Variants in RTN3 observed in about 807,000 individuals in gnomAD.
RTN3 encodes the protein reticulon 3.
In RTN3, 49 loss-of-function variants were observed where a neutral mutation model predicts 77.8. The ratio of observed to expected loss-of-function variants is 0.63; its 90% CI spans 0.50 to 0.80. The LOEUF is 0.80. Among genes scored for constraint, RTN3 ranks in the 30% least tolerant of loss-of-function variants. RTN3 has a pLI of 0.00. For missense variants in RTN3, 1,236 were observed against 1,211.9 expected, an observed-to-expected ratio of 1.02 and a Z score of -0.29; for synonymous variants, 464 against 446.9, an observed-to-expected ratio of 1.04 and a Z score of -0.48.
Position 63,681,704 on chromosome 11 carries a change from C to T in RTN3, c.68C>T (p.Ser23Phe). Residue 23 changes from serine (S) to phenylalanine (F), a missense_variant, in exon 1 of 9, where the codon TCC (serine) becomes TTC (phenylalanine). Physicochemically the swap from Ser to Phe is radical, Grantham distance 155. Around this residue, in one of 3 missense-constraint regions of RTN3, gnomAD observed 1,056 missense variants for 990.4 expected, o/e 1.07. Coordinates refer to ENST00000377819, the MANE Select transcript of RTN3 (RefSeq NM_001265589.2). ...ISSSSFGAEP[S>F]APGGGGSPGA... is the part of the protein sequence containing the mutation. ...TCGTCGTCCTTCGGAGCCGAGCCGT[C>T]CGCGCCCGGCGGCGGCGGGAGCCCA... 2 of 1,611,096 alleles carry T rather than the reference C, an allele frequency of 1.2e-6. No individual in the cohort carries two copies. The highest frequency in any genetic ancestry group is 3.3e-4 in the Middle Eastern group (2 of 6,048).
At chr11:63,735,822 G>A (rs1211452444) in intron 3 of RTN3, among the ~76,000 whole-genome samples, 9 of 151,998 alleles carry the variant, frequency 5.9e-5, no homozygotes, top group Non-Finnish European at 8.8e-5. Context: ...GAGCTAAAGC[G>A]CCTCACCAAT....
At chr11:63,737,962 G>C (rs942175480) in intron 3 of RTN3, among the ~76,000 whole-genome samples, 7 of 152,136 alleles carry the variant, frequency 4.6e-5, no homozygotes, top group Admixed American at 4.6e-4. Context: ...CTTGGTTAAG[G>C]ATAAATCTGT....
chr11:63,724,700 C>T (rs1446404670), intron 3 of RTN3, among the ~76,000 whole-genome samples: 1 of 151,958 alleles, frequency 6.6e-6, no homozygotes, highest in African/African-American at 2.4e-5. Context: ...ACTATATTGG[C>T]CAGGCTGGTC....
At chr11:63,688,483 A>G (rs1941488434) in intron 1 of RTN3, among the ~76,000 whole-genome samples, 1 of 152,096 alleles carries the variant, frequency 6.6e-6, no homozygotes, top group African/African-American at 2.4e-5. Flanking sequence ...TGGCTTCCCA[A>G]AGTGCTGGGA....
intron 3 of RTN3, among the ~76,000 whole-genome samples, chr11:63,738,421 C>T (rs1226419841): frequency 6.6e-6 from 1 of 152,092 alleles, no homozygotes; most frequent in Non-Finnish European, 1.5e-5. Flanking sequence ...GGGCAGATTG[C>T]TTGAGCCCAA....
chr11:63,735,560 C>CTCTCTCTCTCTCTG (rs1565334153), intron 3 of RTN3, among the ~76,000 whole-genome samples: 1 of 135,880 alleles, frequency 7.4e-6, no homozygotes, highest in Non-Finnish European at 1.6e-5. Context: ...TTCTCTCTCT[C>CTCTCTCTCTCTCTG]TCTCTCTCTC....
At chr11:63,746,197 C>T (rs577696400) in intron 3 of RTN3, among the ~76,000 whole-genome samples, 5 of 152,306 alleles carry the variant, frequency 3.3e-5, no homozygotes, top group Admixed American at 3.3e-4. Context: ...CCTTTTCTCT[C>T]TGGGTCCTAG....
chr11:63,725,134 C>T (rs1172217655), intron 3 of RTN3, among the ~76,000 whole-genome samples: 3 of 152,092 alleles, frequency 2.0e-5, no homozygotes, highest in Non-Finnish European at 4.4e-5. Context: ...CCTCCATCTC[C>T]CCTTCCCCAG....
chr11:63,735,028 T>TA (rs796701610), intron 3 of RTN3, among the ~76,000 whole-genome samples: 46 of 147,854 alleles, frequency 3.1e-4, no homozygotes, highest in Middle Eastern at 3.5e-3. Flanking sequence ...AATTTGACAA[T>TA]AAAAAAAAAA....
At chr11:63,696,959 ACGGCAAAC>A (rs1379511400) in intron 1 of RTN3, among the ~76,000 whole-genome samples, 8 of 127,992 alleles carry the variant, frequency 6.3e-5, no homozygotes, top group Admixed American at 5.0e-4. Flanking sequence ...ATCTTGGCTC[ACGGCAAAC>A]TCCGCCTCCC....
At position 63,702,787 on chromosome 11, in the gene RTN3, G is replaced by A. The variant is rs558655522; in HGVS notation, c.143-2064G>A. 6.6e-5 allele frequency among the ~76,000 whole-genome samples: 10 copies of A among 151,630 alleles called. No individual in the cohort carries two copies. In the East Asian group the frequency reaches 1.9e-3, roughly 29 times the overall value. The stretch of plus-strand genomic sequence containing the variant: ...TGCAAACTCCGCCTCCTGGGTTCAC[G>A]CCATTCTCCTGCCTCAGCTTCCTGA... On this transcript the variant is annotated intron_variant, in intron 1 of 8. Coordinates refer to ENST00000377819, the MANE Select transcript of RTN3 (RefSeq NM_001265589.2).
chr11:63,707,179 A>G (rs915568029), intron 2 of RTN3, among the ~76,000 whole-genome samples: 3 of 152,146 alleles, frequency 2.0e-5, no homozygotes, highest in Admixed American at 1.3e-4. Context: ...CATTACAGGC[A>G]TGAGTCACGT....
intron 3 of RTN3, among the ~76,000 whole-genome samples, chr11:63,739,379 C>T (rs1186334466): frequency 6.6e-6 from 1 of 152,126 alleles, no homozygotes; most frequent in African/African-American, 2.4e-5. Context: ...TTTGAACTAG[C>T]TTGGGTCACT....
intron 1 of RTN3, among the ~76,000 whole-genome samples, chr11:63,684,081 A>G (rs1353567027): frequency 6.8e-5 from 9 of 132,160 alleles, no homozygotes; most frequent in African/African-American, 2.4e-4. Context: ...CCACCCGAGT[A>G]GCTGGAATTA....
At chr11:63,696,092 T>TA (rs539527094) in intron 1 of RTN3, among the ~76,000 whole-genome samples, 18,297 of 139,174 alleles carry the variant, frequency 0.13, 1,157 homozygotes, top group South Asian at 0.17. Flanking sequence ...AAGTTTCCTT[T>TA]AAAAAAAAAA....
chr11:63,713,522 G>C (rs2011225403), intron 2 of RTN3, among the ~76,000 whole-genome samples: 1 of 151,832 alleles, frequency 6.6e-6, no homozygotes, highest in South Asian at 2.1e-4. Flanking sequence ...TGTTGCCCAG[G>C]CTGGTCTCGA....
At chr11:63,756,829 C>T (rs1021027492) in intron 8 of RTN3, among the ~76,000 whole-genome samples, 6 of 152,064 alleles carry the variant, frequency 3.9e-5, no homozygotes, top group Non-Finnish European at 7.4e-5. Context: ...CGGTGGATCA[C>T]GAGGTCAGGA....
Position 63,718,900 on chromosome 11 carries a change from C to T in RTN3, c.398C>T (p.Pro133Leu), listed in dbSNP as rs1384954742. ...DLLDMKKMEK[P>L]QGTSNNVSDS... ...CTAGATATGAAAAAGATGGAAAAGCCTCAGGGGACCAGCAACAACGTATCA... is the reference window on the plus strand; with the variant it reads ...CTAGATATGAAAAAGATGGAAAAGCTTCAGGGGACCAGCAACAACGTATCA... Residue 133 changes from proline to leucine, a missense_variant, in exon 3 of 9, where the codon CCT becomes CTT. Pro to Leu is a moderately conservative substitution (Grantham distance 98, BLOSUM62 -3). Transcript: ENST00000377819. 1 of 1,614,110 alleles carries T rather than the reference C, an allele frequency of 6.2e-7. No homozygotes were observed. The highest frequency in any genetic ancestry group is 1.7e-5 in the Admixed American group (1 of 60,008).
Position 63,710,362 on chromosome 11 carries a change from T to A in RTN3, c.199+5455T>A, listed in dbSNP as rs556287203. Among the ~76,000 whole-genome samples the A allele has an allele frequency of 1.9e-3, 294 of 152,128 alleles. 1 individual carries two copies. The highest frequency in any genetic ancestry group is 6.8e-3 in the African/African-American group (283 of 41,494). On this transcript the variant is annotated intron_variant, in intron 2 of 8. Transcript: ENST00000377819. Reference sequence around the variant, plus strand: ...ATTGTAGTTTTTTTGTTTTTTTTTTTATCATGTTACTTTAAACTCCCCATC... The same window carrying A: ...ATTGTAGTTTTTTTGTTTTTTTTTTAATCATGTTACTTTAAACTCCCCATC...
Sources: gnomAD v4.1 joint callset for allele counts (sites outside exome capture counted in the v4.1 genomes callset) on GRCh38, gnomAD v4.1.1 for gene constraint, gnomAD v4.1.1 regional missense constraint, MANE v1.5 for transcripts, NCBI Gene and HGNC (gene_info 2026-07-23, HGNC 2026-07-21) for gene names.